Variants in ITPR1 observed in about 807,000 individuals in gnomAD.
ITPR1 encodes the protein inositol 1,4,5-trisphosphate receptor type 1.
A neutral mutation model predicts 318.4 loss-of-function variants in ITPR1; 96 were observed. The ratio of observed to expected loss-of-function variants is 0.30; its 90% CI spans 0.26 to 0.36. The LOEUF (loss-of-function observed/expected upper bound fraction) is 0.36. ITPR1 is among the 10% of genes least tolerant of loss of function. ITPR1 has a pLI of 1.00. For synonymous variants in ITPR1, 1,312 were observed against 1,289.9 expected (o/e 1.02, Z -0.37); for missense variants, 2,440 against 3,460.2 (o/e 0.71, Z 7.40).
At chr3:4,745,103 T>C (rs556691462) in intron 44 of ITPR1, among the ~76,000 whole-genome samples, 1 of 148,742 alleles carries the variant, frequency 6.7e-6, no homozygotes, top group African/African-American at 2.5e-5. Context: ...CACTGTCTTT[T>C]TTTTTTCTTT....
Position 4,693,745 on chromosome 3 carries a change from A to G in ITPR1, c.4281+4A>G. On this transcript the variant is annotated splice_donor_region_variant and intron_variant, in intron 33 of 61. Transcript: ENST00000649015. ...CCACGAGGACTGCATCCCTGAGGTGAGCGAGCCCAGCCTGGCTGTGCCCTT... is the reference window on the plus strand; with the variant it reads ...CCACGAGGACTGCATCCCTGAGGTGGGCGAGCCCAGCCTGGCTGTGCCCTT... 2 of 1,607,816 alleles carry G rather than the reference A, an allele frequency of 1.2e-6. No homozygotes were observed. Among genetic ancestry groups the G allele is most frequent in the Non-Finnish European group, 8.5e-7 (1 of 1,175,872 alleles).
chr3:4,543,521 G>A (rs1018164846), intron 4 of ITPR1, among the ~76,000 whole-genome samples: 3 of 152,214 alleles, frequency 2.0e-5, no homozygotes, highest in African/African-American at 7.2e-5. Context: ...GTAATCAAGG[G>A]ATAAAGAATG....
chr3:4,534,202 T>C (rs1386128207), intron 4 of ITPR1, among the ~76,000 whole-genome samples: 4 of 152,244 alleles, frequency 2.6e-5, no homozygotes, highest in Non-Finnish European at 5.9e-5. Context: ...TCTTTTAGTG[T>C]ACCCATGGCC....
At chr3:4,570,232 A>T (rs569828794) in intron 4 of ITPR1, among the ~76,000 whole-genome samples, 1 of 152,358 alleles carries the variant, frequency 6.6e-6, no homozygotes, top group Non-Finnish European at 1.5e-5. Flanking sequence ...TTAAAAGGAC[A>T]GACTATTGAA....
At chr3:4,828,250 A>G (rs2050209621) in intron 60 of ITPR1, among the ~76,000 whole-genome samples, 1 of 152,220 alleles carries the variant, frequency 6.6e-6, no homozygotes, top group South Asian at 2.1e-4. Context: ...AAAGTTGAAT[A>G]CTACTGGAAT....
chr3:4,596,042 C>G (rs976375318), intron 4 of ITPR1: 2 of 152,062 alleles, frequency 1.3e-5, no homozygotes, highest in Admixed American at 1.3e-4. Context: ...GGGGTGGGGG[C>G]GTTTGCTGTG....
At chr3:4,551,725 T>TG (rs1379220480) in intron 4 of ITPR1, among the ~76,000 whole-genome samples, 2 of 152,254 alleles carry the variant, frequency 1.3e-5, no homozygotes, top group African/African-American at 4.8e-5. Context: ...TATAGTACTT[T>TG]TAACAGTTTC....
chr3:4,669,526 G>A (rs1254003971), intron 18 of ITPR1, 128 bp from the exon 19 acceptor site: 1 of 824,392 alleles, frequency 1.2e-6, no homozygotes, highest in Admixed American at 3.1e-5. Flanking sequence ...TTGGCATCAA[G>A]ACTTAGAATG....
intron 4 of ITPR1, among the ~76,000 whole-genome samples, chr3:4,529,086 T>A (rs1157966545): frequency 3.3e-5 from 5 of 152,206 alleles, no homozygotes; most frequent in Non-Finnish European, 7.3e-5. Context: ...ATGAGATGCA[T>A]GTCTGAAGGC....
At chr3:4,792,288 A>G (rs2047611523) in intron 52 of ITPR1, among the ~76,000 whole-genome samples, 1 of 152,200 alleles carries the variant, frequency 6.6e-6, no homozygotes, top group Non-Finnish European at 1.5e-5. Context: ...TAGCACATTC[A>G]CAAGTTCTAA....
chr3:4,616,093 C>T (rs1328231694), intron 4 of ITPR1, among the ~76,000 whole-genome samples: 1 of 152,240 alleles, frequency 6.6e-6, no homozygotes, highest in Non-Finnish European at 1.5e-5. Context: ...ATGCAGCAGA[C>T]ACAACAGTGT....
chr3:4,737,141 C>T (rs540225928), intron 44 of ITPR1, among the ~76,000 whole-genome samples: 1 of 151,934 alleles, frequency 6.6e-6, no homozygotes, highest in Admixed American at 6.6e-5. Context: ...AGTTGGAAAC[C>T]CTAGGTTGTT....
intron 5 of ITPR1, 66 bp from the exon 6 acceptor site, chr3:4,639,318 C>T (rs1047529784): frequency 5.3e-5 from 63 of 1,186,836 alleles, no homozygotes; most frequent in African/African-American, 9.1e-5. Flanking sequence ...ATTTGTTCTG[C>T]GTCACTGCAG....
At chr3:4,795,697 G>A (rs1390397289) in intron 53 of ITPR1, among the ~76,000 whole-genome samples, 1 of 152,192 alleles carries the variant, frequency 6.6e-6, no homozygotes, top group East Asian at 1.9e-4. Flanking sequence ...ACTGCAGACT[G>A]TACAATGTTT....
intron 60 of ITPR1, among the ~76,000 whole-genome samples, chr3:4,821,879 A>C (rs1343148644): frequency 1.3e-5 from 2 of 152,166 alleles, no homozygotes; most frequent in African/African-American, 2.4e-5. Context: ...GTTCACCCAC[A>C]AGTTAATCTT....
Position 4,582,525 on chromosome 3 carries a change from G to A in ITPR1, c.164-45238G>A, listed in dbSNP as rs114698108. 5.3e-3 allele frequency among the ~76,000 whole-genome samples: 813 copies of A among 152,222 alleles called. 9 individuals carry two copies. Among genetic ancestry groups the A allele is most frequent in the African/African-American group, 0.019 (782 of 41,518 alleles). ...ATAGTCTTGTGTGCTTCTCTATTCTGCTGAGATTTGTGTTATCAGCTCCAC... is the reference window on the plus strand; with the variant it reads ...ATAGTCTTGTGTGCTTCTCTATTCTACTGAGATTTGTGTTATCAGCTCCAC... On this transcript the variant is annotated intron_variant, in intron 4 of 61. Transcript: ENST00000649015.
At position 4,768,779 on chromosome 3, in the gene ITPR1, G is replaced by A. The variant is rs372959362; in HGVS notation, c.5979+15G>A. 11 of 1,601,706 alleles carry A rather than the reference G, an allele frequency of 6.9e-6. No homozygotes were observed. In the African/African-American group the frequency reaches 9.4e-5, roughly 14 times the overall value. ...GAGACCTGCAGGTGAGGGCCTGGGG[G>A]TGGGGGCGTGGAGGGAGCTCGGGAA... On this transcript the variant is annotated intron_variant, in intron 46 of 61. Coordinates refer to ENST00000649015, the MANE Select transcript of ITPR1 (RefSeq NM_001378452.1).
intron 4 of ITPR1, among the ~76,000 whole-genome samples, chr3:4,589,528 T>C (rs2090205632): frequency 6.6e-6 from 1 of 152,192 alleles, no homozygotes; most frequent in Admixed American, 6.5e-5. Context: ...TGCAGGCAAT[T>C]GCAGTGTGAG....
intron 48 of ITPR1, among the ~76,000 whole-genome samples, chr3:4,778,419 T>A (rs1483073931): frequency 6.6e-6 from 1 of 152,210 alleles, no homozygotes; most frequent in Non-Finnish European, 1.5e-5. Context: ...GGTTGAGCTG[T>A]ATTTATTGCA....
Sources: allele counts gnomAD v4.1 joint callset (sites outside exome capture counted in the v4.1 genomes callset), GRCh38; gene constraint gnomAD v4.1.1; transcripts MANE v1.5; gene names NCBI Gene and HGNC (gene_info 2026-07-23, HGNC 2026-07-21).